Variants in THNSL2 observed in about 807,000 individuals in gnomAD.
THNSL2 encodes threonine synthase like 2.
THNSL2 carries 34 observed loss-of-function variants against 40.0 expected under a neutral mutation model. The observed-to-expected ratio is 0.85, with a 90% CI of 0.65 to 1.13. The LOEUF (loss-of-function observed/expected upper bound fraction) is 1.13. Among genes scored for constraint, THNSL2 ranks in the 50% most tolerant of loss-of-function variants. THNSL2 has a pLI of 0.00. For synonymous variants in THNSL2, 241 were observed against 247.5 expected (o/e 0.97, Z 0.25); for missense variants, 537 against 608.8 (o/e 0.88, Z 1.24).
At chr2:88,171,371 CCT>C (rs1676357126) in intron 1 of THNSL2, 1 of 455,702 alleles carries the variant, frequency 2.2e-6, no homozygotes. Flanking sequence ...GCCCCTCTGT[CCT>C]CTGTTCCTGG....
intron 4 of THNSL2, among the ~76,000 whole-genome samples, chr2:88,177,927 A>C (rs1677112777): frequency 6.6e-6 from 1 of 152,198 alleles, no homozygotes; most frequent in Non-Finnish European, 1.5e-5. Flanking sequence ...GGGTACACAC[A>C]TGGATCTAGA....
intron 7 of THNSL2, among the ~76,000 whole-genome samples, chr2:88,184,037 T>G (rs551701011): frequency 4.6e-5 from 7 of 152,346 alleles, no homozygotes; most frequent in African/African-American, 1.7e-4. Flanking sequence ...CTTCCTTTAG[T>G]GGTCCCTTGC....
At chr2:88,172,994 C>T (rs1030123404) in intron 1 of THNSL2, 145 bp from the exon 2 acceptor site, 2 of 464,432 alleles carry the variant, frequency 4.3e-6, no homozygotes, top group African/African-American at 2.0e-5. Flanking sequence ...AGACTTGATA[C>T]AGGACTGCCA....
chr2:88,171,437 C>A, intron 1 of THNSL2: 1 of 413,086 alleles, frequency 2.4e-6, no homozygotes, highest in African/African-American at 2.1e-5. Context: ...TTCCTTCCAC[C>A]CAGGGAAGGG....
At position 88,178,756 on chromosome 2, in the gene THNSL2, G is replaced by A. The variant is rs946802230; in HGVS notation, c.572-27G>A. 3 of 1,613,014 alleles carry A rather than the reference G, an allele frequency of 1.9e-6. No individual in the cohort carries two copies. In the African/African-American group the frequency reaches 4.0e-5, roughly 22 times the overall value. On this transcript the variant is annotated intron_variant, in intron 4 of 8. Coordinates refer to ENST00000674334, the MANE Select transcript of THNSL2 (RefSeq NM_018271.5). ...CTGGGGGTTCTACATGCTCCTGACA[G>A]CTGCCCTCTTCTCTCCCCCCTGGCA...
Position 88,182,829 on chromosome 2 carries a change from A to G in THNSL2, c.933A>G (p.Ala311=). Residue 311 remains alanine (A), a synonymous_variant, in exon 6 of 9, where the codon GCA becomes GCG. Transcript: ENST00000674334. ...SLSEAVKSTL[A]SAMDIQVPYN... ...CTGAGGCTGTTAAATCAACCTTGGCATCAGCTATGGACATTCAGGTAGGCC... is the reference window on the plus strand; with the variant it reads ...CTGAGGCTGTTAAATCAACCTTGGCGTCAGCTATGGACATTCAGGTAGGCC... 3 of 1,614,162 alleles carry G rather than the reference A, an allele frequency of 1.9e-6. No individual in the cohort carries two copies. Among genetic ancestry groups the G allele is most frequent in the Non-Finnish European group, 2.5e-6 (3 of 1,180,042 alleles).
intron 2 of THNSL2, among the ~76,000 whole-genome samples, 200 bp from the exon 3 acceptor site, chr2:88,174,439 G>GA (rs1676686653): frequency 6.6e-6 from 1 of 152,110 alleles, no homozygotes; most frequent in Admixed American, 6.5e-5. Flanking sequence ...TCACTATAAG[G>GA]AATCTATGAA....
chr2:88,175,101 T>G, intron 3 of THNSL2, 148 bp from the exon 4 acceptor site: 2 of 933,340 alleles, frequency 2.1e-6, no homozygotes, highest in Non-Finnish European at 3.2e-6. Context: ...CGTGGATCCA[T>G]GGACCCTAGG....
rs1429680047 is a variant in THNSL2, at chr2:88,178,858, A to C, written c.647A>C (p.Asn216Thr). ...GATGTGGCTTTTGTCAAGAAGCACA[A>C]TCTGATGAGCCTGAATTCGATCAAC... ...FADVAFVKKHNLMSLNSINWS... is the reference protein window; with the variant it reads ...FADVAFVKKHTLMSLNSINWS... Residue 216 changes from asparagine to threonine, a missense_variant, in exon 5 of 9, where the codon AAT becomes ACT. Physicochemically the swap from Asn to Thr is moderately conservative, Grantham distance 65 (BLOSUM62 0). Transcript: ENST00000674334. 1.3e-5 allele frequency: 21 copies of C among 1,614,082 alleles called. No homozygotes were observed. The highest frequency in any genetic ancestry group is 1.7e-5 in the Non-Finnish European group (20 of 1,180,040).
chr2:88,174,155 T>C (rs1290531281), intron 2 of THNSL2, among the ~76,000 whole-genome samples: 1 of 152,176 alleles, frequency 6.6e-6, no homozygotes, highest in East Asian at 1.9e-4. Flanking sequence ...TTTGAGAAGC[T>C]GTGCTCTAGG....
Position 88,186,185 on chromosome 2 carries a change from C to T in THNSL2, c.*62C>T, listed in dbSNP as rs1678276611. The T allele has an allele frequency of 3.4e-6, 5 of 1,462,242 alleles. No individual in the cohort carries two copies. The Admixed American group carries it at 5.9e-5, about 17-fold the overall frequency. The allele number at this position is 1,462,242 out of a possible 1,614,324, so 90.6% of individuals were successfully genotyped here. A position where few individuals can be genotyped will look rare whatever the true frequency, so the allele number is the denominator to read the frequency against. On this transcript the variant is annotated 3_prime_UTR_variant, in exon 9 of 9. Transcript: ENST00000674334. ...CAGGAAGATGCACCTTCTGAGCTGC[C>T]TTGTGCACCCTCCCCATTAAGCGTA...
chr2:88,178,715 G>C (rs1171270251), intron 4 of THNSL2, 68 bp from the exon 5 acceptor site: 3 of 1,563,408 alleles, frequency 1.9e-6, no homozygotes, highest in African/African-American at 2.7e-5. Flanking sequence ...CCCTGTCGCA[G>C]GTGAGTGCTG....
At chr2:88,177,429 C>G (rs1255669213) in intron 4 of THNSL2, among the ~76,000 whole-genome samples, 1 of 152,180 alleles carries the variant, frequency 6.6e-6, no homozygotes, top group Non-Finnish European at 1.5e-5. Context: ...ACATTGTATA[C>G]TTGGTTCTTC....
Position 88,175,356 on chromosome 2 carries a change from C to G in THNSL2, c.526C>G (p.Leu176Val). ...AGGTCACTGCACAAAGATTCAGGAG[C>G]TCCAGATGACAACGGTGCTGAAGCA... is the stretch of plus-strand genomic sequence containing the variant. ...PKGHCTKIQE[L>V]QMTTVLKQNV... Residue 176 changes from leucine (L) to valine (V), a missense_variant, in exon 4 of 9, where the codon CTC becomes GTC. Transcript: ENST00000674334. 6.2e-7 allele frequency: 1 copy of G among 1,614,178 alleles called. No homozygotes were observed. The highest frequency in any genetic ancestry group is 1.1e-5 in the South Asian group (1 of 91,074).
rs1221604770 is a variant in THNSL2, at chr2:88,183,038, C to T, written c.1042C>T (p.Gln348Ter). ...CCTCATGGAGCAGTTTGAAAGGACC[C>T]AAAGTGTGAATCTGCCCAAGGAACT... is the stretch of plus-strand genomic sequence containing the variant. ...RALMEQFERT[Q>*]SVNLPKELHS... is the part of the protein sequence containing the mutation. Residue 348 changes from glutamine to a stop codon, truncating the protein, a stop_gained, in exon 7 of 9, where the codon CAA becomes TAA. Transcript: ENST00000674334. LOFTEE classifies it high-confidence loss of function. The T allele has an allele frequency of 1.2e-6, 2 of 1,613,624 alleles. No individual in the cohort carries two copies. Among genetic ancestry groups the T allele is most frequent in the African/African-American group, 2.7e-5 (2 of 74,886 alleles).
At chr2:88,183,279 A>C in intron 7 of THNSL2, 1 of 590,992 alleles carries the variant, frequency 1.7e-6, no homozygotes, top group Non-Finnish European at 2.7e-6. Context: ...AATGAGCTCA[A>C]TCCCAAGTGA....
intron 3 of THNSL2, among the ~76,000 whole-genome samples, 173 bp from the exon 4 acceptor site, chr2:88,175,076 G>A (rs1676768692): frequency 6.6e-6 from 1 of 152,228 alleles, no homozygotes; most frequent in African/African-American, 2.4e-5. Context: ...GTTCACTTAT[G>A]TCCTGAATTT....
chr2:88,184,160 T>A (rs1678003798), intron 7 of THNSL2, among the ~76,000 whole-genome samples: 1 of 152,220 alleles, frequency 6.6e-6, no homozygotes, highest in Non-Finnish European at 1.5e-5. Context: ...TCCGGCCTTC[T>A]GGAATCTGTG....
intron 1 of THNSL2, chr2:88,172,652 A>G (rs546828585): frequency 6.6e-6 from 1 of 152,512 alleles, no homozygotes; most frequent in East Asian, 1.9e-4. Context: ...AAGCTACCAC[A>G]GTTGAGAACT....
Sources: allele counts gnomAD v4.1 joint callset (sites outside exome capture counted in the v4.1 genomes callset), GRCh38; gene constraint gnomAD v4.1.1; transcripts MANE v1.5; gene names NCBI Gene and HGNC (gene_info 2026-07-23, HGNC 2026-07-21).